The following SLC4A4 variants were observed in gnomAD, a reference collection of about 807,000 sequenced individuals.
The protein encoded by SLC4A4 is solute carrier family 4 member 4, also known as electrogenic sodium bicarbonate cotransporter 1.
A neutral mutation model predicts 111.5 loss-of-function variants in SLC4A4; 27 were observed. That is an observed-to-expected ratio of 0.24 (90% CI 0.18 to 0.33). The LOEUF (loss-of-function observed/expected upper bound fraction) is 0.33. Among genes scored for constraint, SLC4A4 ranks in the 10% least tolerant of loss-of-function variants. The probability of loss-of-function intolerance (pLI) is 1.00; values close to 1 mark genes in which losing one functional copy is unlikely to be tolerated. For synonymous variants in SLC4A4, 443 were observed against 463.4 expected (o/e 0.96, Z 0.57); for missense variants, 909 against 1,315.5 (o/e 0.69, Z 4.78).
chr4:71,300,688 A>G, intron 3 of SLC4A4: 1 of 389,370 alleles, frequency 2.6e-6, no homozygotes, highest in South Asian at 2.4e-5. Flanking sequence ...CAGCGGAGTG[A>G]TATGTAGGGG....
At chr4:71,078,112 G>T (rs115406080) in intron 1 of SLC4A4, among the ~76,000 whole-genome samples, 5 of 152,204 alleles carry the variant, frequency 3.3e-5, no homozygotes, top group Non-Finnish European at 7.4e-5. Context: ...GAAAAGAATT[G>T]GATGCAGGAG....
intron 5 of SLC4A4, among the ~76,000 whole-genome samples, chr4:71,354,404 A>C (rs1426310513): frequency 6.6e-6 from 1 of 152,152 alleles, no homozygotes; most frequent in Admixed American, 6.5e-5. Flanking sequence ...ATGCATGTTC[A>C]TTTTTAAATA....
chr4:71,501,373 T>G (rs940063241), intron 16 of SLC4A4, among the ~76,000 whole-genome samples: 2 of 152,018 alleles, frequency 1.3e-5, no homozygotes, highest in African/African-American at 2.4e-5. Context: ...GATCATGTTG[T>G]CTGCTAACAG....
rs965606 is a variant in SLC4A4 at position 71,567,274 on chromosome 4, A to C, written c.*36+191A>C. 0.91 allele frequency among the ~76,000 whole-genome samples: 138,182 copies of C among 151,780 alleles called. 64,033 individuals are homozygous for C. Among genetic ancestry groups the C allele is most frequent in the Non-Finnish European group, 0.99 (67,254 of 67,826 alleles). On this transcript the variant is annotated intron_variant, in intron 25 of 25. Coordinates refer to ENST00000264485, the MANE Select transcript of SLC4A4 (RefSeq NM_001098484.3). The stretch of plus-strand genomic sequence containing the variant: ...AAGCATTCTAAGAGACCTAGTTACT[A>C]TTACAAATAATGGAATCTTTCAGTA...
intron 3 of SLC4A4, among the ~76,000 whole-genome samples, chr4:71,290,347 A>C (rs559190446): frequency 3.3e-4 from 50 of 152,316 alleles, no homozygotes; most frequent in Admixed American, 9.8e-4. Context: ...GCAGGCAAAA[A>C]GTATAGTCAG....
At chr4:71,070,610 AT>A (rs1159847862) in intron 1 of SLC4A4, among the ~76,000 whole-genome samples, 3 of 152,234 alleles carry the variant, frequency 2.0e-5, no homozygotes, top group African/African-American at 7.2e-5. Flanking sequence ...AGAGAAACTG[AT>A]TTGCAAATTC....
intron 2 of SLC4A4, among the ~76,000 whole-genome samples, chr4:71,254,414 T>A (rs1721291200): frequency 6.6e-6 from 1 of 152,156 alleles, no homozygotes; most frequent in Non-Finnish European, 1.5e-5. Context: ...TCTTTTTTCC[T>A]CATGCCCTTC....
chr4:71,281,139 CG>C (rs540529106), intron 3 of SLC4A4, among the ~76,000 whole-genome samples: 145 of 152,268 alleles, frequency 9.5e-4, no homozygotes, highest in Middle Eastern at 3.4e-3. Flanking sequence ...TCCTGACTTG[CG>C]TTTGCATGCT....
chr4:71,300,411 C>T, intron 3 of SLC4A4: 1 of 233,548 alleles, frequency 4.3e-6, no homozygotes, highest in Non-Finnish European at 9.0e-6. Flanking sequence ...TGGGATGCTG[C>T]TGCTGTGCTT....
chr4:71,163,291 G>T (rs1203593117), intron 2 of SLC4A4, among the ~76,000 whole-genome samples: 4 of 152,188 alleles, frequency 2.6e-5, no homozygotes, highest in Admixed American at 6.5e-5. Flanking sequence ...TGGCATTAGT[G>T]CTTCCAAGGA....
intron 2 of SLC4A4, among the ~76,000 whole-genome samples, chr4:71,126,229 T>C (rs960858833): frequency 6.6e-6 from 1 of 152,200 alleles, no homozygotes; most frequent in African/African-American, 2.4e-5. Flanking sequence ...CATGCAAGAC[T>C]AACTTTAAAT....
rs144531650 is a variant in SLC4A4, at chr4:71,563,754, T to C, written c.3100-39T>C. The C allele has an allele frequency of 2.3e-3, 2,978 of 1,304,728 alleles. 10 individuals carry two copies. Among genetic ancestry groups the C allele is most frequent in the Non-Finnish European group, 2.7e-3 (2,410 of 899,388 alleles). The allele number at this position is 1,304,728 out of a possible 1,614,324, so 80.8% of individuals were successfully genotyped here. ...CTAGGAGATAGGAAGGGCTGTATAATAAAAACATTCTAAAACCTCTTGTAC... is the reference window on the plus strand; with the variant it reads ...CTAGGAGATAGGAAGGGCTGTATAACAAAAACATTCTAAAACCTCTTGTAC... On this transcript the variant is annotated intron_variant, in intron 23 of 25. Coordinates refer to ENST00000264485, the MANE Select transcript of SLC4A4 (RefSeq NM_001098484.3).
chr4:71,515,050 T>G (rs1288063022), intron 16 of SLC4A4, among the ~76,000 whole-genome samples: 1 of 152,044 alleles, frequency 6.6e-6, no homozygotes, highest in Non-Finnish European at 1.5e-5. Flanking sequence ...GTTCATGGTT[T>G]TCTGTTTCCT....
In SLC4A4 at chr4:71,472,918, C is replaced by G; in HGVS notation, c.1851C>G (p.Phe617Leu). 7 of 1,612,990 alleles carry G rather than the reference C, an allele frequency of 4.3e-6. No homozygotes were observed. Among genetic ancestry groups the G allele is most frequent in the Non-Finnish European group, 5.9e-6 (7 of 1,179,366 alleles). The change falls in exon 14 of 26, where the codon TTC becomes TTG. Residue 617 changes from phenylalanine (F) to leucine (L), a missense_variant. Phe to Leu is a conservative substitution (Grantham distance 22, BLOSUM62 0). Around this residue, in one of 7 missense-constraint regions of SLC4A4, gnomAD observed 264 missense variants for 356.8 expected, o/e 0.74. Coordinates refer to ENST00000264485, the MANE Select transcript of SLC4A4 (RefSeq NM_001098484.3). ...LADYYPINSNFKVGYNTLFSC... is the reference protein window; with the variant it reads ...LADYYPINSNLKVGYNTLFSC... The stretch of plus-strand genomic sequence containing the variant: ...ATTACTACCCCATCAACTCCAACTT[C>G]AAAGTGGGCTACAACACTCTCTTTT...
At chr4:71,471,578 C>T (rs1344501265) in intron 13 of SLC4A4, among the ~76,000 whole-genome samples, 1 of 151,918 alleles carries the variant, frequency 6.6e-6, no homozygotes, top group Non-Finnish European at 1.5e-5. Flanking sequence ...GTCAAGCATG[C>T]ACAATCCTTG....
chr4:71,081,730 G>A lies in SLC4A4; in HGVS notation c.-64-11000G>A, dbSNP rs565861352. ...GAACTCTGATGTTGCATCTGTCTTCGAACCCGGGAATCTAGGACTTTGCTA... is the reference window on the plus strand; with the variant it reads ...GAACTCTGATGTTGCATCTGTCTTCAAACCCGGGAATCTAGGACTTTGCTA... On this transcript the variant is annotated intron_variant, in intron 1 of 26. Transcript: ENST00000649996. Among the ~76,000 whole-genome samples, 10 of 152,136 alleles carry A rather than the reference G, an allele frequency of 6.6e-5. 1 individual carries two copies. The highest frequency in any genetic ancestry group is 5.2e-4 in the Admixed American group (8 of 15,288).
intron 15 of SLC4A4, among the ~76,000 whole-genome samples, chr4:71,487,595 TA>T (rs925929592): frequency 6.6e-6 from 1 of 151,610 alleles, no homozygotes; most frequent in Non-Finnish European, 1.5e-5. Context: ...GAGGCTTTTG[TA>T]TTGGAGAAAA....
chr4:71,109,421 G>A lies in SLC4A4; in HGVS notation c.-2+16629G>A, dbSNP rs572205278. 2.0e-5 allele frequency among the ~76,000 whole-genome samples: 3 copies of A among 146,612 alleles called. No homozygotes were observed. In the East Asian group the frequency reaches 6.3e-4, roughly 31 times the overall value. Reference sequence around the variant, plus strand: ...GGGAGAGAGGCTTGCAACAATGGAGGGAGGTAAACAATAATGGCCACTGCC... The same window carrying A: ...GGGAGAGAGGCTTGCAACAATGGAGAGAGGTAAACAATAATGGCCACTGCC... On this transcript the variant is annotated intron_variant, in intron 2 of 26. Transcript: ENST00000649996.
chr4:71,545,403 T>C (rs1292507737), intron 18 of SLC4A4, among the ~76,000 whole-genome samples: 2 of 152,062 alleles, frequency 1.3e-5, no homozygotes, highest in Admixed American at 6.6e-5. Flanking sequence ...GGATTGGTCA[T>C]ACTCTGGCTC....
Sources: allele counts gnomAD v4.1 joint callset (sites outside exome capture counted in the v4.1 genomes callset), GRCh38; gene constraint gnomAD v4.1.1; regional missense constraint gnomAD v4.1.1; transcripts MANE v1.5; gene names NCBI Gene and HGNC (gene_info 2026-07-23, HGNC 2026-07-21).